PXMP2: variants seen among roughly 807,000 people sequenced by gnomAD.
PXMP2 encodes 22 kDa peroxisomal membrane protein.
PXMP2 carries 13 observed loss-of-function variants against 20.2 expected under a neutral mutation model. The ratio of observed to expected loss-of-function variants is 0.64; its 90% CI spans 0.42 to 1.02. The LOEUF (loss-of-function observed/expected upper bound fraction) is 1.02. Among genes scored for constraint, PXMP2 ranks in the 50% least tolerant of loss-of-function variants. The pLI, the probability that PXMP2 is intolerant of heterozygous loss-of-function variation, is 0.00. For missense variants in PXMP2, 284 were observed against 251.8 expected, an observed-to-expected ratio of 1.13 and a Z score of -0.87; for synonymous variants, 113 against 111.2, an observed-to-expected ratio of 1.02 and a Z score of -0.10.
intron 1 of PXMP2, chr12:132,688,035 G>A: frequency 4.1e-6 from 1 of 242,108 alleles, no homozygotes; most frequent in Non-Finnish European, 7.1e-6. Flanking sequence ...GCCCAGACCC[G>A]GGGGTCGGCG....
In PXMP2 at chr12:132,704,257, T is replaced by C. The variant is rs543220361; in HGVS notation, c.520-362T>C. Among the ~76,000 whole-genome samples, 8 of 152,198 alleles carry C rather than the reference T, an allele frequency of 5.3e-5. No homozygotes were observed. The East Asian group carries it at 1.5e-3, about 29-fold the overall frequency. ...TGGGGCCCCTCCGCTGTTCGTCAGC[T>C]GTGTCCCCTGAGGAGGGTGCAGCCA... On this transcript the variant is annotated intron_variant, in intron 4 of 4. Transcript: ENST00000317479.
At position 132,704,743 on chromosome 12, in the gene PXMP2, G is replaced by A. The variant is rs139506776; in HGVS notation, c.*56G>A. 1.6e-5 allele frequency: 24 copies of A among 1,529,920 alleles called. 1 individual carries two copies. Among genetic ancestry groups the A allele is most frequent in the Middle Eastern group, 1.7e-4 (1 of 5,910 alleles). 94.8% of individuals were successfully genotyped at this position (1,529,920 alleles called of 1,614,324 possible). On this transcript the variant is annotated 3_prime_UTR_variant, in exon 5 of 5. Transcript: ENST00000317479. ...GGACGTGGGTCTGGGGGTCTCACCC[G>A]CCCAGCGAGAGCAGAACCAATCCAG...
Position 132,690,512 on chromosome 12 carries a change from A to G in PXMP2, c.236+136A>G, listed in dbSNP as rs142750163. The G allele has an allele frequency of 1.0e-3, 683 of 667,336 alleles. 4 individuals are homozygous for G. In the African/African-American group the frequency reaches 0.011, roughly 11 times the overall value. The allele number at this position is 667,336 out of a possible 1,614,324, so 41.3% of individuals were successfully genotyped here. A position where few individuals can be genotyped will look rare whatever the true frequency, so the allele number is the denominator to read the frequency against. On this transcript the variant is annotated intron_variant, in intron 2 of 4. Coordinates refer to ENST00000317479, the MANE Select transcript of PXMP2 (RefSeq NM_018663.3). The stretch of plus-strand genomic sequence containing the variant: ...AACCATTGTAGTAATCATCATGGGA[A>G]AAAACTCGAATGGTTCATATAGTTT...
Position 132,695,309 on chromosome 12 carries a change from T to G in PXMP2, c.237-575T>G, listed in dbSNP as rs1431119763. On this transcript the variant is annotated intron_variant, in intron 2 of 4. Transcript: ENST00000317479. ...CCTAGTGAGTTCCCTTGCCAGTTTGTTAGCCTAGTGAGTGCCCTTGCCAGT... is the reference window on the plus strand; with the variant it reads ...CCTAGTGAGTTCCCTTGCCAGTTTGGTAGCCTAGTGAGTGCCCTTGCCAGT... Among the ~76,000 whole-genome samples the G allele has an allele frequency of 2.7e-5, 4 of 150,738 alleles. No homozygotes were observed. The South Asian group carries it at 8.4e-4, about 32-fold the overall frequency.
chr12:132,692,879 C>A (rs1197426218), intron 2 of PXMP2, among the ~76,000 whole-genome samples: 1 of 96,078 alleles, frequency 1.0e-5, no homozygotes, highest in African/African-American at 3.7e-5. Flanking sequence ...AGCTCCCTTG[C>A]CAGTTAGTTA....
rs58817432 is a variant in PXMP2 at position 132,700,863 on chromosome 12, T to TC, written c.400-386dup. Among the ~76,000 whole-genome samples the TC allele has an allele frequency of 1.8e-4, 28 of 151,734 alleles. No homozygotes were observed. The East Asian group carries it at 4.4e-3, about 24-fold the overall frequency. The stretch of plus-strand genomic sequence containing the variant: ...TACTGGAGTCCTTTTTTTTTTTTTT[T>TC]CATAACTCCTAACAAGTTTTGATTG... On this transcript the variant is annotated intron_variant, in intron 3 of 4. Coordinates refer to ENST00000317479, the MANE Select transcript of PXMP2 (RefSeq NM_018663.3).
chr12:132,694,921 C>CAGTTAGTGAGCTCCCTTAGCCAGTT (rs1565991612), intron 2 of PXMP2, among the ~76,000 whole-genome samples: 1 of 109,996 alleles, frequency 9.1e-6, no homozygotes, highest in East Asian at 2.9e-4. Context: ...CCTTGCCAGT[C>CAGTTAGTGAGCTCCCTTAGCCAGTT]AGTTAGTGAG....
At position 132,701,500 on chromosome 12, in the gene PXMP2, G is replaced by A. The variant is rs11831302; in HGVS notation, c.519+131G>A. ...TCTCTTCTTTCTTTGGTAGTTTTCC[G>A]CTAGACTTAGTTTCATCCGTGTCTA... is the stretch of plus-strand genomic sequence containing the variant. On this transcript the variant is annotated intron_variant, in intron 4 of 4. Transcript: ENST00000317479. 1.9e-3 allele frequency: 2,390 copies of A among 1,257,798 alleles called. 39 individuals carry two copies. In the African/African-American group the frequency reaches 0.034, roughly 18 times the overall value. 77.9% of individuals were successfully genotyped at this position (1,257,798 alleles called of 1,614,324 possible). A position where few individuals can be genotyped will look rare whatever the true frequency, so the allele number is the denominator to read the frequency against.
rs1045522203 is a variant in PXMP2 at position 132,687,785 on chromosome 12, G to A, written c.115G>A (p.Ala39Thr). 2.6e-6 allele frequency: 3 copies of A among 1,164,520 alleles called. No individual in the cohort carries two copies. Among genetic ancestry groups the A allele is most frequent in the Admixed American group, 4.7e-5 (1 of 21,458 alleles). 72.1% of individuals were successfully genotyped at this position (1,164,520 alleles called of 1,614,324 possible). Residue 39 changes from alanine to threonine, a missense_variant, in exon 1 of 5, where the codon GCC becomes ACC. Coordinates refer to ENST00000317479, the MANE Select transcript of PXMP2 (RefSeq NM_018663.3). Reference sequence around the variant, plus strand: ...GCTCTACCCGGTGCTCACCAAGGCGGCCACCAGGTGAGCGGGGGCGCGGGA... The same window carrying A: ...GCTCTACCCGGTGCTCACCAAGGCGACCACCAGGTGAGCGGGGGCGCGGGA... ...LRLYPVLTKA[A>T]TSGILSALGN...
chr12:132,693,816 T>G (rs1477798685), intron 2 of PXMP2, among the ~76,000 whole-genome samples: 5 of 90,756 alleles, frequency 5.5e-5, no homozygotes, highest in African/African-American at 8.2e-5. Context: ...GCCAGTTAGT[T>G]AGTGAGCTCC....
Position 132,701,327 on chromosome 12 carries a change from G to C in PXMP2, c.477G>C (p.Trp159Cys), listed in dbSNP as rs758880810. ...WPALRMNWRV[W>C]TPLQFININY... ...CGCTGAGGATGAACTGGCGGGTGTG[G>C]ACGCCACTACAGTTCATCAACATCA... Residue 159 changes from tryptophan (W) to cysteine (C), a missense_variant, in exon 4 of 5, where the codon TGG becomes TGC. Trp to Cys is a radical substitution (Grantham distance 215). Coordinates refer to ENST00000317479, the MANE Select transcript of PXMP2 (RefSeq NM_018663.3). 2 of 1,612,922 alleles carry C rather than the reference G, an allele frequency of 1.2e-6. No individual in the cohort carries two copies. Among genetic ancestry groups the C allele is most frequent in the African/African-American group, 2.7e-5 (2 of 74,824 alleles).
At chr12:132,693,332 G>T (rs2043384344) in intron 2 of PXMP2, among the ~76,000 whole-genome samples, 1 of 26,954 alleles carries the variant, frequency 3.7e-5, no homozygotes, top group African/African-American at 1.3e-4. Context: ...GTTAGTTAGT[G>T]AGCGCCCTTG....
chr12:132,700,499 C>T (rs555074647), intron 3 of PXMP2, among the ~76,000 whole-genome samples: 3 of 152,092 alleles, frequency 2.0e-5, no homozygotes, highest in East Asian at 3.9e-4. Flanking sequence ...TGTTTGTATC[C>T]GTTGCCCACT....
chr12:132,693,624 TCAG>T (rs1169426328), intron 2 of PXMP2, among the ~76,000 whole-genome samples: 14 of 79,398 alleles, frequency 1.8e-4, no homozygotes, highest in African/African-American at 3.9e-4. Context: ...CCCTTGCCAG[TCAG>T]TGAGCGCCCT....
intron 3 of PXMP2, among the ~76,000 whole-genome samples, chr12:132,697,597 G>A (rs1156882880): frequency 6.6e-6 from 1 of 151,924 alleles, no homozygotes; most frequent in East Asian, 1.9e-4. Flanking sequence ...TAGTAGAGAT[G>A]GGGTTTCACC....
intron 2 of PXMP2, among the ~76,000 whole-genome samples, chr12:132,693,257 G>T (rs1593105468): frequency 4.8e-5 from 3 of 62,654 alleles, no homozygotes; most frequent in Non-Finnish European, 1.1e-4. Context: ...GCCAGTTAGT[G>T]AGTGCCCTTG....
intron 1 of PXMP2, 110 bp from the exon 2 acceptor site, chr12:132,690,153 C>A (rs1379445829): frequency 3.8e-6 from 3 of 790,766 alleles, no homozygotes; most frequent in African/African-American, 3.5e-5. Context: ...GAATTCCTAC[C>A]CCCCGCCCAT....
At chr12:132,701,103 G>A in intron 3 of PXMP2, 147 bp from the exon 4 acceptor site, 1 of 1,143,640 alleles carries the variant, frequency 8.7e-7, no homozygotes, top group Non-Finnish European at 1.2e-6. Context: ...TAGAGCCGCA[G>A]TGCTGAGTAC....
In PXMP2 at chr12:132,696,179, T is replaced by C; in HGVS notation, c.399+133T>C. Reference sequence around the variant, plus strand: ...GAAATTTTGCATTTTCTTTTATGAATATAGGAAGCAAACATCTAGTATTGG... The same window carrying C: ...GAAATTTTGCATTTTCTTTTATGAACATAGGAAGCAAACATCTAGTATTGG... On this transcript the variant is annotated intron_variant, in intron 3 of 4. Transcript: ENST00000317479. The surrounding 1 kb of genome is among the most constrained non-coding windows in gnomAD (Gnocchi z 4.4). 1 of 1,048,810 alleles carries C rather than the reference T, an allele frequency of 9.5e-7. No homozygotes were observed. The highest frequency in any genetic ancestry group is 1.3e-6 in the Non-Finnish European group (1 of 746,328). 65.0% of individuals were successfully genotyped at this position (1,048,810 alleles called of 1,614,324 possible). A position where few individuals can be genotyped will look rare whatever the true frequency, so the allele number is the denominator to read the frequency against.
Sources: allele counts gnomAD v4.1 joint callset (sites outside exome capture counted in the v4.1 genomes callset), GRCh38; gene constraint gnomAD v4.1.1; non-coding constraint Gnocchi (gnomAD v3.1); transcripts MANE v1.5; gene names NCBI Gene and HGNC (gene_info 2026-07-23, HGNC 2026-07-21).